CCNE2: variants seen among roughly 807,000 people sequenced by gnomAD.
CCNE2 encodes cyclin E2, also known as G1/S-specific cyclin-E2.
CCNE2 carries 18 observed loss-of-function variants against 56.8 expected under a neutral mutation model. That is an observed-to-expected ratio of 0.32 (90% CI 0.22 to 0.47). The LOEUF (loss-of-function observed/expected upper bound fraction) is 0.47, where lower values mean the gene tolerates loss of function less well. CCNE2 is among the 20% of genes least tolerant of loss of function. The probability of loss-of-function intolerance (pLI) is 1.00; values close to 1 mark genes in which losing one functional copy is unlikely to be tolerated. For missense variants in CCNE2, 371 were observed against 467.1 expected (o/e 0.79, Z 1.90); for synonymous variants, 139 against 149.2 (o/e 0.93, Z 0.50).
At chr8:94,894,529 A>C in intron 1 of CCNE2, 5 of 391,666 alleles carry the variant, frequency 1.3e-5, no homozygotes, top group East Asian at 4.3e-5. Flanking sequence ...TCTTCCTCAA[A>C]CGGGTTTTTC....
At chr8:94,881,864 G>GT (rs1325308361) in intron 11 of CCNE2, 119 bp from the exon 12 acceptor site, 1 of 1,214,252 alleles carries the variant, frequency 8.2e-7, no homozygotes, top group African/African-American at 1.5e-5. Context: ...CTTTGCAAGT[G>GT]TGAAGGGTCA....
intron 6 of CCNE2, among the ~76,000 whole-genome samples, chr8:94,889,405 A>G (rs1035429375): frequency 1.8e-4 from 27 of 152,228 alleles, no homozygotes; most frequent in Non-Finnish European, 2.5e-4. Context: ...CACTGGATGA[A>G]TATCAGTATA....
chr8:94,882,396 C>A, intron 10 of CCNE2, 107 bp from the exon 11 acceptor site: 1 of 885,308 alleles, frequency 1.1e-6, no homozygotes, highest in Non-Finnish European at 1.6e-6. Flanking sequence ...TTAAAAGAAA[C>A]CAAATCATAA....
Position 94,882,164 on chromosome 8 carries a change from T to A in CCNE2, c.1069A>T (p.Ile357Phe). The A allele has an allele frequency of 6.2e-7, 1 of 1,613,098 alleles. No homozygotes were observed. The highest frequency in any genetic ancestry group is 8.5e-7 in the Non-Finnish European group (1 of 1,179,646). Residue 357 changes from isoleucine to phenylalanine, a missense_variant, in exon 11 of 12, where the codon ATC becomes TTC. Transcript: ENST00000308108. ...KKIPMEDRHN[I>F]QTHTNYLAML... is the part of the protein sequence containing the mutation. ...GCCAAATAGTTTGTATGTGTCTGGA[T>A]ATTATGTCTGTCTTCCATAGGAATC...
At chr8:94,885,439 C>T (rs752845633) in intron 8 of CCNE2, 24 bp downstream of exon 8, 1 of 1,421,478 alleles carries the variant, frequency 7.0e-7, no homozygotes, top group Non-Finnish European at 9.7e-7. Context: ...TTTTTTGCAA[C>T]TAGGAAAACA....
At chr8:94,895,115 G>A in intron 1 of CCNE2, 62 bp downstream of exon 1, 1 of 929,558 alleles carries the variant, frequency 1.1e-6, no homozygotes, top group Non-Finnish European at 1.3e-6. Context: ...CCTGTGGTAA[G>A]TGATCGGCCC....
At chr8:94,895,364 C>A, upstream of CCNE2, 1 of 588,188 alleles carries the variant, frequency 1.7e-6, no homozygotes, top group Non-Finnish European at 2.1e-6. Flanking sequence ...CCACCCGGAG[C>A]GGCCGTGGGG....
intron 1 of CCNE2, among the ~76,000 whole-genome samples, 198 bp downstream of exon 1, chr8:94,894,979 C>A (rs1459685155): frequency 6.6e-6 from 1 of 152,164 alleles, no homozygotes; most frequent in African/African-American, 2.4e-5. Context: ...GAATGAGGGG[C>A]GGCTCTCCAT....
intron 11 of CCNE2, 45 bp downstream of exon 11, chr8:94,882,087 A>G: frequency 1.3e-6 from 2 of 1,556,758 alleles, no homozygotes; most frequent in Non-Finnish European, 1.7e-6. Context: ...TTGGTGACTT[A>G]CTAGATTCAG....
chr8:94,893,593 G>A (rs924292712), intron 4 of CCNE2: 9 of 344,494 alleles, frequency 2.6e-5, no homozygotes, highest in Non-Finnish European at 4.2e-5. Context: ...TAGAGTCTGC[G>A]AGGGAACAAA....
chr8:94,894,046 C>G lies in CCNE2; in HGVS notation c.88G>C (p.Ala30Pro). ...ACCTGGGTAGTTTTCCTCTTCTTGG[C>G]CTGGATTATCTGGGCTTCTTGGGGG... Reference protein sequence around the residue: ...ESPQEAQIIQAKKRKTTQDVK... With the variant: ...ESPQEAQIIQPKKRKTTQDVK... The change falls in exon 3 of 12, where the codon GCC becomes CCC. Residue 30 changes from alanine (A) to proline (P), a missense_variant. Physicochemically the swap from Ala to Pro is conservative, Grantham distance 27 (BLOSUM62 -1). Transcript: ENST00000308108. The G allele has an allele frequency of 6.2e-7, 1 of 1,613,840 alleles. No individual in the cohort carries two copies. Among genetic ancestry groups the G allele is most frequent in the Non-Finnish European group, 8.5e-7 (1 of 1,179,912 alleles).
At position 94,881,564 on chromosome 8, in the gene CCNE2, T is replaced by G; in HGVS notation, c.*68A>C. 1 of 1,501,920 alleles carries G rather than the reference T, an allele frequency of 6.7e-7. No homozygotes were observed. The highest frequency in any genetic ancestry group is 9.1e-7 in the Non-Finnish European group (1 of 1,095,496). The allele number at this position is 1,501,920 out of a possible 1,614,324, so 93.0% of individuals were successfully genotyped here. ...CACAGCACTACTTTCTGTAAAACTTTAGTAGTTCAGTGATACCAGTTCTAC... is the reference window on the plus strand; with the variant it reads ...CACAGCACTACTTTCTGTAAAACTTGAGTAGTTCAGTGATACCAGTTCTAC... On this transcript the variant is annotated 3_prime_UTR_variant, in exon 12 of 12. Coordinates refer to ENST00000308108, the MANE Select transcript of CCNE2 (RefSeq NM_057749.3).
chr8:94,891,669 A>AAC, intron 5 of CCNE2: 1 of 521,630 alleles, frequency 1.9e-6, no homozygotes. Flanking sequence ...CAAAAAAAAA[A>AAC]AAAAAAAAAA....
chr8:94,896,559 G>T (rs960268160), upstream of CCNE2: 22 of 152,178 alleles, frequency 1.4e-4, no homozygotes, highest in African/African-American at 5.3e-4. Context: ...AGATCCCCCG[G>T]GTGGAGGAGC....
In CCNE2 at chr8:94,890,466, A is replaced by C. The variant is rs1212028003; in HGVS notation, c.402T>G (p.His134Gln). 6.2e-7 allele frequency: 1 copy of C among 1,609,558 alleles called. No homozygotes were observed. The highest frequency in any genetic ancestry group is 8.5e-7 in the Non-Finnish European group (1 of 1,177,448). The stretch of plus-strand genomic sequence containing the variant: ...ACCTCATCTGTGGTTCCAAGTCAGA[A>C]TGCAGAACTTCAAAATGTTTGTCAT... ...YVHDKHFEVLHSDLEPQMRSI... is the reference protein window; with the variant it reads ...YVHDKHFEVLQSDLEPQMRSI... Residue 134 changes from histidine (H) to glutamine (Q), a missense_variant, in exon 6 of 12, where the codon CAT becomes CAG. Coordinates refer to ENST00000308108, the MANE Select transcript of CCNE2 (RefSeq NM_057749.3).
Position 94,894,106 on chromosome 8 carries a change from C to T in CCNE2, c.28G>A (p.Ala10Thr). The change falls in exon 3 of 12, where the codon GCT becomes ACT. Residue 10 changes from alanine (A) to threonine (T), a missense_variant. Ala to Thr is a moderately conservative substitution (Grantham distance 58). Coordinates refer to ENST00000308108, the MANE Select transcript of CCNE2 (RefSeq NM_057749.3). Reference sequence around the variant, plus strand: ...TGGCTGGGCTGGGGCTGCTGCTTAGCTTGTAAACGGCTACTGTAGTGAATT... The same window carrying T: ...TGGCTGGGCTGGGGCTGCTGCTTAGTTTGTAAACGGCTACTGTAGTGAATT... MSRRSSRLQ[A>T]KQQPQPSQTE... 6.2e-7 allele frequency: 1 copy of T among 1,613,728 alleles called. No homozygotes were observed. Among genetic ancestry groups the T allele is most frequent in the Non-Finnish European group, 8.5e-7 (1 of 1,179,732 alleles).
At chr8:94,886,336 T>C (rs2131106297) in intron 7 of CCNE2, among the ~76,000 whole-genome samples, 1 of 152,322 alleles carries the variant, frequency 6.6e-6, no homozygotes, top group African/African-American at 2.4e-5. Flanking sequence ...TTAATACAAC[T>C]AGAATATGTC....
At chr8:94,882,354 T>C (rs1816855276) in intron 10 of CCNE2, 65 bp from the exon 11 acceptor site, 1 of 1,261,504 alleles carries the variant, frequency 7.9e-7, no homozygotes, top group Non-Finnish European at 1.1e-6. Flanking sequence ...CTTACATATG[T>C]CTGATGTACT....
chr8:94,894,240 T>C lies in CCNE2; in HGVS notation c.-19A>G, dbSNP rs751501600. 22 of 1,613,632 alleles carry C rather than the reference T, an allele frequency of 1.4e-5. No homozygotes were observed. Among genetic ancestry groups the C allele is most frequent in the Non-Finnish European group, 1.5e-5 (18 of 1,179,972 alleles). ...TTGACATTCTCTTCTTTCAGGTGTA[T>C]AAAACCTCTGAAGGGGGGAGAGGAA... On this transcript the variant is annotated 5_prime_UTR_variant, in exon 2 of 12. Coordinates refer to ENST00000308108, the MANE Select transcript of CCNE2 (RefSeq NM_057749.3).
Sources: allele counts gnomAD v4.1 joint callset (sites outside exome capture counted in the v4.1 genomes callset), GRCh38; gene constraint gnomAD v4.1.1; transcripts MANE v1.5; gene names NCBI Gene and HGNC (gene_info 2026-07-23, HGNC 2026-07-21).